The following NCOA7 variants were observed in gnomAD, a reference collection of about 807,000 sequenced individuals.
NCOA7 encodes the protein 140 kDa estrogen receptor-associated protein.
Under a neutral mutation model 104.3 loss-of-function variants are expected in NCOA7, and 45 were observed. The ratio of observed to expected loss-of-function variants is 0.43; its 90% CI spans 0.34 to 0.55. The LOEUF (loss-of-function observed/expected upper bound fraction) is 0.55, where lower values mean the gene tolerates loss of function less well. NCOA7 is among the 20% of genes least tolerant of loss of function. NCOA7 has a pLI of 0.02. For synonymous variants in NCOA7, 398 were observed against 402.3 expected, an observed-to-expected ratio of 0.99 and a Z score of 0.13; for missense variants, 1,041 against 1,119.7, an observed-to-expected ratio of 0.93 and a Z score of 1.00.
rs532665403 is a variant in NCOA7 at position 125,915,314 on chromosome 6, TCACAAA to T, written c.2097-17_2097-12del. ...AAAGTGGACATGGTGTTAACATCTG[TCACAAA>T]CGTGTTTTTCAGGGTGGATCATTTG... is the stretch of plus-strand genomic sequence containing the variant. On this transcript the variant is annotated splice_polypyrimidine_tract_variant and intron_variant, in intron 10 of 15. Transcript: ENST00000392477. 8.9e-4 allele frequency: 1,435 copies of T among 1,613,026 alleles called. 12 individuals are homozygous for T. The African/African-American group carries it at 0.017, about 19-fold the overall frequency.
At chr6:125,855,297 TA>T in intron 3 of NCOA7, 57 bp downstream of exon 3, 1 of 1,314,946 alleles carries the variant, frequency 7.6e-7, no homozygotes. Context: ...TAAGAATTTT[TA>T]AAAGACTATC....
At chr6:125,922,412 A>T (rs1209678581) in intron 12 of NCOA7, among the ~76,000 whole-genome samples, 2 of 152,200 alleles carry the variant, frequency 1.3e-5, no homozygotes, top group African/African-American at 4.8e-5. Flanking sequence ...ATCCAGCTTG[A>T]TCTGTGTCTT....
chr6:125,861,681 T>C (rs1169477184), intron 3 of NCOA7, among the ~76,000 whole-genome samples: 1 of 151,930 alleles, frequency 6.6e-6, no homozygotes, highest in Non-Finnish European at 1.5e-5. Flanking sequence ...CATACCTGGG[T>C]GGTGAGAGGA....
rs747726135 is a variant in NCOA7, at chr6:125,896,987, AT to A, written c.2096+6179del. Among the ~76,000 whole-genome samples, 110 of 152,316 alleles carry A rather than the reference AT, an allele frequency of 7.2e-4. 1 individual carries two copies. Among genetic ancestry groups the A allele is most frequent in the Non-Finnish European group, 3.4e-4 (23 of 68,004 alleles). On this transcript the variant is annotated intron_variant, in intron 10 of 15. Coordinates refer to ENST00000392477, the MANE Select transcript of NCOA7 (RefSeq NM_181782.5). ...GATAAACTCATTATGTATAAGTTAA[AT>A]TGATTCTGTTTTAGAAAGCATGATA... is the stretch of plus-strand genomic sequence containing the variant.
Position 125,865,883 on chromosome 6 carries a change from T to C in NCOA7, c.272-9006T>C, listed in dbSNP as rs1043704210. Among the ~76,000 whole-genome samples, 21 of 136,482 alleles carry C rather than the reference T, an allele frequency of 1.5e-4. 3 individuals are homozygous for C. The highest frequency in any genetic ancestry group is 6.5e-4 in the African/African-American group (21 of 32,424). The allele number at this position is 136,482 out of a possible 152,430, so 89.5% of individuals were successfully genotyped here. A position where few individuals can be genotyped will look rare whatever the true frequency, so the allele number is the denominator to read the frequency against. ...TCTTTTCTTTTGTAGACACAGGGTC[T>C]GCCCATCTTACTCAGGCATGTCTTG... On this transcript the variant is annotated intron_variant, in intron 3 of 15. Transcript: ENST00000392477.
intron 8 of NCOA7, 49 bp downstream of exon 8, chr6:125,885,392 A>G: frequency 6.3e-7 from 1 of 1,578,514 alleles, no homozygotes; most frequent in Non-Finnish European, 8.7e-7. Flanking sequence ...TGAGAGAGCT[A>G]AATGTAGCTT....
upstream of NCOA7, among the ~76,000 whole-genome samples, chr6:125,786,573 C>CTTTTT (rs148199881): frequency 2.5e-5 from 3 of 121,080 alleles, no homozygotes; most frequent in Non-Finnish European, 3.4e-5. Flanking sequence ...TAATCATTGT[C>CTTTTT]TTTTTTTTTT....
At chr6:125,864,551 G>A (rs1455433062) in intron 3 of NCOA7, among the ~76,000 whole-genome samples, 1 of 130,362 alleles carries the variant, frequency 7.7e-6, no homozygotes, top group Admixed American at 7.3e-5. Flanking sequence ...ACTTCCCAAC[G>A]TGATAGTATC....
Position 125,874,987 on chromosome 6 carries a change from G to T in NCOA7, c.351+19G>T. The T allele has an allele frequency of 6.3e-7, 1 of 1,581,466 alleles. No homozygotes were observed. Among genetic ancestry groups the T allele is most frequent in the Non-Finnish European group, 8.7e-7 (1 of 1,151,330 alleles). ...ATACACTGTGAGTATAACCAAGGTG[G>T]TATAAATGTTTGTTAATAGCACTAC... is the stretch of plus-strand genomic sequence containing the variant. On this transcript the variant is annotated intron_variant, in intron 4 of 15. Transcript: ENST00000392477.
At chr6:125,805,379 G>A (rs1007674279) in intron 1 of NCOA7, among the ~76,000 whole-genome samples, 3 of 152,096 alleles carry the variant, frequency 2.0e-5, no homozygotes, top group East Asian at 1.9e-4. Flanking sequence ...ACAGACATGA[G>A]CCACTGTGCC....
At chr6:125,811,017 T>G (rs1285822164) in intron 1 of NCOA7, among the ~76,000 whole-genome samples, 21 of 152,228 alleles carry the variant, frequency 1.4e-4, no homozygotes, top group Admixed American at 1.4e-3. Flanking sequence ...GTATAAAAAT[T>G]TTCCAATTAG....
chr6:125,896,891 T>C (rs890910750), intron 10 of NCOA7, among the ~76,000 whole-genome samples: 85 of 152,388 alleles, frequency 5.6e-4, no homozygotes, highest in African/African-American at 1.9e-3. Flanking sequence ...TCTAATTGGC[T>C]TCTATTTAGG....
chr6:125,793,998 G>A (rs566597913), intron 1 of NCOA7, among the ~76,000 whole-genome samples: 5 of 152,242 alleles, frequency 3.3e-5, no homozygotes, highest in South Asian at 2.1e-4. Context: ...AGGCCATGAC[G>A]TCAACCTATT....
intron 10 of NCOA7, among the ~76,000 whole-genome samples, chr6:125,912,536 A>G (rs1004745804): frequency 3.3e-5 from 5 of 152,238 alleles, no homozygotes; most frequent in African/African-American, 1.2e-4. Flanking sequence ...GAAGGCCCTG[A>G]GCTCTGGGGG....
chr6:125,928,427 T>A (rs1197052986), intron 15 of NCOA7, among the ~76,000 whole-genome samples, 180 bp downstream of exon 15: 3 of 152,118 alleles, frequency 2.0e-5, no homozygotes, highest in Admixed American at 2.0e-4. Flanking sequence ...AGATAGAATA[T>A]TTATGTGTCT....
chr6:125,845,191 A>G (rs979030201), intron 2 of NCOA7, among the ~76,000 whole-genome samples: 1 of 152,170 alleles, frequency 6.6e-6, no homozygotes, highest in African/African-American at 2.4e-5. Flanking sequence ...GAACAATGCA[A>G]TGACAAGGCT....
rs547230085 is a variant in NCOA7 at position 125,804,257 on chromosome 6, A to G, written c.-64-11034A>G. 2.6e-5 allele frequency among the ~76,000 whole-genome samples: 4 copies of G among 152,330 alleles called. No homozygotes were observed. In the South Asian group the frequency reaches 8.3e-4, roughly 32 times the overall value. On this transcript the variant is annotated intron_variant, in intron 1 of 15. Coordinates refer to ENST00000392477, the MANE Select transcript of NCOA7 (RefSeq NM_181782.5). ...AAAATGAATTCCAGAAGTAATTGAA[A>G]ACAAACTTTCTTTCCATGTCTCCTG...
At position 125,861,978 on chromosome 6, in the gene NCOA7, A is replaced by C. The variant is rs574276068; in HGVS notation, c.271+6738A>C. ...CTTGAACCCAGGAGGTGGAGGTTGC[A>C]GTGAGCCGAGATTCCACCATTGCAC... On this transcript the variant is annotated intron_variant, in intron 3 of 15. Transcript: ENST00000392477. Among the ~76,000 whole-genome samples the C allele has an allele frequency of 1.7e-4, 20 of 115,440 alleles. 4 individuals are homozygous for C. Among genetic ancestry groups the C allele is most frequent in the Admixed American group, 1.1e-3 (13 of 11,894 alleles). 75.7% of individuals were successfully genotyped at this position (115,440 alleles called of 152,430 possible).
intron 10 of NCOA7, among the ~76,000 whole-genome samples, chr6:125,897,669 T>A (rs1489140017): frequency 6.6e-6 from 1 of 152,134 alleles, no homozygotes; most frequent in East Asian, 1.9e-4. Context: ...CAAATTGGGA[T>A]GTATTTCCCT....
Sources: gnomAD v4.1 joint callset for allele counts (sites outside exome capture counted in the v4.1 genomes callset) on GRCh38, gnomAD v4.1.1 for gene constraint, MANE v1.5 for transcripts, NCBI Gene and HGNC (gene_info 2026-07-23, HGNC 2026-07-21) for gene names.